ZNF44: variants seen among roughly 807,000 people sequenced by gnomAD.
The protein encoded by ZNF44 is gonadotropin inducible transcription repressor-2.
In ZNF44, 9 loss-of-function variants were observed where a neutral mutation model predicts 11.7. The ratio of observed to expected loss-of-function variants is 0.77; its 90% CI spans 0.46 to 1.35. The LOEUF is 1.35. ZNF44 is among the 40% of genes most tolerant of loss of function. ZNF44 has a pLI of 0.00. For synonymous variants in ZNF44, 224 were observed against 242.7 expected, an observed-to-expected ratio of 0.92 and a Z score of 0.72; for missense variants, 696 against 743.1, an observed-to-expected ratio of 0.94 and a Z score of 0.74.
chr19:12,266,610 GAC>G (rs990849791), intron 5 of ZNF44, among the ~76,000 whole-genome samples: 4 of 152,232 alleles, frequency 2.6e-5, no homozygotes, highest in East Asian at 1.9e-4. Context: ...GGGCCAGAAT[GAC>G]AGATTCTTGA....
chr19:12,272,742 CAT>C lies in ZNF44; in HGVS notation c.1511_1512del (p.Tyr504Ter). On this transcript the variant is annotated frameshift_variant, in exon 4 of 4. Transcript: ENST00000355684. LOFTEE classifies it low-confidence loss of function (END_TRUNC). ...AAGGCTTTGCCACAAATTTGACACT[CAT>C]AAGATTTTTCTTCACTGTGAGTCCT... ...HERTHSEEKS[Y>X]ECQICGKAFS... 6.2e-7 allele frequency: 1 copy of C among 1,613,502 alleles called. No individual in the cohort carries two copies. The highest frequency in any genetic ancestry group is 8.5e-7 in the Non-Finnish European group (1 of 1,179,546).
intron 5 of ZNF44, among the ~76,000 whole-genome samples, chr19:12,259,060 A>G (rs1458492376): frequency 6.6e-6 from 1 of 152,054 alleles, no homozygotes; most frequent in Non-Finnish European, 1.5e-5. Context: ...TTTTTTGTAG[A>G]CACAGGGTCC....
exon 8 of ZNF44, chr19:12,247,932 T>C (rs1389271988): frequency 2.2e-6 from 3 of 1,348,942 alleles, no homozygotes; most frequent in South Asian, 2.3e-5. Context: ...TTTCCCACAT[T>C]CCTTGCATTT....
intron 5 of ZNF44, chr19:12,260,275 T>G: frequency 2.4e-6 from 2 of 840,072 alleles, no homozygotes; most frequent in Non-Finnish European, 4.1e-6. Flanking sequence ...ACTGTGGGCG[T>G]GGAGCCGGCA....
At chr19:12,289,493 C>T (rs1220320111) in intron 1 of ZNF44, among the ~76,000 whole-genome samples, 5 of 152,056 alleles carry the variant, frequency 3.3e-5, no homozygotes, top group African/African-American at 1.2e-4. Context: ...GATTTTCACC[C>T]TCCATCCTGC....
At chr19:12,256,112 T>G (rs1917248270) in intron 5 of ZNF44, among the ~76,000 whole-genome samples, 1 of 150,850 alleles carries the variant, frequency 6.6e-6, no homozygotes, top group South Asian at 2.1e-4. Context: ...CATGGCAATT[T>G]GAATAGTCTA....
At chr19:12,270,995 T>C (rs1966929530), downstream of ZNF44, among the ~76,000 whole-genome samples, 4 of 151,896 alleles carry the variant, frequency 2.6e-5, no homozygotes, top group Admixed American at 2.6e-4. Context: ...GCAAAGAAAG[T>C]TGGTGGAAAG....
At chr19:12,276,154 A>G in intron 1 of ZNF44, 72 bp from the exon 2 acceptor site, 1 of 1,557,704 alleles carries the variant, frequency 6.4e-7, no homozygotes, top group Admixed American at 1.7e-5. Context: ...TCACCTTCAT[A>G]AACTTCCCAT....
exon 8 of ZNF44, chr19:12,248,592 T>C (rs1473087371): frequency 3.9e-6 from 5 of 1,294,882 alleles, no homozygotes; most frequent in Non-Finnish European, 5.0e-6. Context: ...AGTTTTCTTG[T>C]TCAGACTGAG....
chr19:12,242,078 A>AT (rs538331023), upstream of ZNF44, among the ~76,000 whole-genome samples: 24 of 151,536 alleles, frequency 1.6e-4, no homozygotes, highest in Admixed American at 1.4e-3. Context: ...ATGGGTACCA[A>AT]TTTTTTTTTG....
At chr19:12,293,210 C>T (rs1423544047) in intron 1 of ZNF44, 1 of 1,531,520 alleles carries the variant, frequency 6.5e-7, no homozygotes, top group Non-Finnish European at 8.7e-7. Context: ...CCAGAAGATT[C>T]CTCCCACCCC....
At chr19:12,263,998 T>C (rs1043395775) in intron 5 of ZNF44, among the ~76,000 whole-genome samples, 1 of 148,890 alleles carries the variant, frequency 6.7e-6, no homozygotes, top group Admixed American at 6.7e-5. Context: ...GAGGCTGAGG[T>C]GGGAGGATCA....
chr19:12,258,676 A>G lies in ZNF44; in HGVS notation c.1913-8308T>C, dbSNP rs140296414. Among the ~76,000 whole-genome samples the G allele has an allele frequency of 1.0e-3, 159 of 152,196 alleles. 1 individual carries two copies. The highest frequency in any genetic ancestry group is 3.7e-3 in the African/African-American group (155 of 41,584). ...AAAACCTCGTCTCTACGAAAAACACAAGAATTAGATGGGCGTGGTGGCAAG... is the reference window on the plus strand; with the variant it reads ...AAAACCTCGTCTCTACGAAAAACACGAGAATTAGATGGGCGTGGTGGCAAG... On this transcript the variant is annotated intron_variant and NMD_transcript_variant, in intron 5 of 7. Coordinates refer to the ZNF44 transcript ENST00000393337.
At position 12,263,990 on chromosome 19, in the gene ZNF44, G is replaced by A. The variant is rs187541929; in HGVS notation, c.1912+8497C>T. 6.3e-3 allele frequency among the ~76,000 whole-genome samples: 954 copies of A among 152,108 alleles called. 15 individuals carry two copies. Among genetic ancestry groups the A allele is most frequent in the African/African-American group, 0.022 (918 of 41,466 alleles). On this transcript the variant is annotated intron_variant and NMD_transcript_variant, in intron 5 of 7. Transcript: ENST00000393337. ...TGCCTGTAGTCCTAGCTACTTGGGA[G>A]GCTGAGGTGGGAGGATCACTTGAGC...
intron 5 of ZNF44, among the ~76,000 whole-genome samples, chr19:12,253,913 G>T (rs190023690): frequency 6.6e-6 from 1 of 152,020 alleles, no homozygotes; most frequent in Non-Finnish European, 1.5e-5. Context: ...CGGGAGGCAG[G>T]GGTTACAGTG....
intron 5 of ZNF44, among the ~76,000 whole-genome samples, chr19:12,255,091 A>AACACACACACACAC (rs140940065): frequency 5.5e-5 from 8 of 145,638 alleles, no homozygotes; most frequent in African/African-American, 2.1e-4. Context: ...TCCGTCTCAA[A>AACACACACACACAC]ACACACACAC....
At position 12,266,347 on chromosome 19, in the gene ZNF44, A is replaced by G. The variant is rs959187602; in HGVS notation, c.1912+6140T>C. 93 of 984,760 alleles carry G rather than the reference A, an allele frequency of 9.4e-5. 1 individual carries two copies. Among genetic ancestry groups the G allele is most frequent in the Non-Finnish European group, 1.1e-4 (90 of 829,506 alleles). 61.0% of individuals were successfully genotyped at this position (984,760 alleles called of 1,614,324 possible). On this transcript the variant is annotated intron_variant and NMD_transcript_variant, in intron 5 of 7. Coordinates refer to the ZNF44 transcript ENST00000393337. ...TGGCCACAGCAGGGCAAATCGCGAC[A>G]CACCCTGAGCTGACACACCCTCAGC...
At chr19:12,248,215 G>C (rs561812985) in exon 8 of ZNF44, 1 of 1,306,824 alleles carries the variant, frequency 7.7e-7, no homozygotes, top group African/African-American at 1.5e-5. Context: ...TCTCCAGTAT[G>C]AGCCTTTTCA....
At chr19:12,265,356 G>A (rs1917687752) in intron 5 of ZNF44, among the ~76,000 whole-genome samples, 1 of 152,002 alleles carries the variant, frequency 6.6e-6, no homozygotes, top group Non-Finnish European at 1.5e-5. Context: ...GTGCATTCAA[G>A]CCTCAGCGAG....
Sources: gnomAD v4.1 joint callset for allele counts (sites outside exome capture counted in the v4.1 genomes callset) on GRCh38, gnomAD v4.1.1 for gene constraint, MANE v1.5 for transcripts, NCBI Gene and HGNC (gene_info 2026-07-23, HGNC 2026-07-21) for gene names.